Variants in TBC1D5 observed in about 807,000 individuals in gnomAD.
The protein encoded by TBC1D5 is TBC1 domain family, member 5.
In TBC1D5, 75 loss-of-function variants were observed where a neutral mutation model predicts 100.3. The ratio of observed to expected loss-of-function variants is 0.75; its 90% CI spans 0.62 to 0.91. TBC1D5 has a LOEUF of 0.91. TBC1D5 is among the 40% of genes least tolerant of loss of function. TBC1D5 has a pLI of 0.00. For missense variants in TBC1D5, 910 were observed against 942.4 expected (o/e 0.97, Z 0.45); for synonymous variants, 323 against 325.6 (o/e 0.99, Z 0.09).
At chr3:17,600,575 A>G (rs1309961500) in intron 2 of TBC1D5, among the ~76,000 whole-genome samples, 1 of 152,236 alleles carries the variant, frequency 6.6e-6, no homozygotes, top group Admixed American at 6.5e-5. Context: ...ATTCCATAAG[A>G]AAAATGTTCG....
At chr3:17,431,200 C>T (rs2094441874) in intron 3 of TBC1D5, among the ~76,000 whole-genome samples, 1 of 151,902 alleles carries the variant, frequency 6.6e-6, no homozygotes, top group Non-Finnish European at 1.5e-5. Context: ...ACTTGCTATT[C>T]TGATCCTTGA....
chr3:17,599,890 A>G (rs1461757474), intron 2 of TBC1D5, among the ~76,000 whole-genome samples: 2 of 152,188 alleles, frequency 1.3e-5, no homozygotes, highest in Non-Finnish European at 2.9e-5. Context: ...GGATGGGGAA[A>G]AGGTTGATCA....
intron 2 of TBC1D5, among the ~76,000 whole-genome samples, chr3:17,572,156 C>A (rs983532912): frequency 3.3e-5 from 5 of 152,044 alleles, no homozygotes; most frequent in Admixed American, 2.6e-4. Flanking sequence ...GCTTTCCCTG[C>A]TTATTCCTGC....
intron 19 of TBC1D5, among the ~76,000 whole-genome samples, chr3:17,177,458 G>A (rs1386641768): frequency 1.3e-5 from 2 of 152,234 alleles, no homozygotes; most frequent in Non-Finnish European, 2.9e-5. Context: ...ACATCAGGAT[G>A]CTAGGGGAGG....
chr3:17,444,866 G>C (rs1346226522), intron 3 of TBC1D5, among the ~76,000 whole-genome samples: 1 of 151,780 alleles, frequency 6.6e-6, no homozygotes, highest in Admixed American at 6.6e-5. Context: ...GGCTACAAAG[G>C]GTGTTACACA....
chr3:17,405,022 G>T (rs888050194), intron 5 of TBC1D5, 61 bp from the exon 6 acceptor site: 8 of 1,045,134 alleles, frequency 7.7e-6, no homozygotes, highest in Admixed American at 2.4e-5. Flanking sequence ...GTGAAACTAT[G>T]CCAAACTGAA....
intron 13 of TBC1D5, among the ~76,000 whole-genome samples, chr3:17,371,452 A>G (rs1213391036): frequency 2.0e-5 from 3 of 152,204 alleles, no homozygotes; most frequent in Admixed American, 6.5e-5. Flanking sequence ...CAAATTATGT[A>G]GCCAATCCTA....
chr3:17,668,052 A>G (rs1251761316), intron 1 of TBC1D5, among the ~76,000 whole-genome samples: 2 of 151,106 alleles, frequency 1.3e-5, no homozygotes, highest in Non-Finnish European at 2.9e-5. Flanking sequence ...AACATTCTAC[A>G]TATGATTTAA....
At chr3:17,238,296 G>A in exon 17 of TBC1D5, 1 of 1,614,032 alleles carries the variant, frequency 6.2e-7, no homozygotes, top group Non-Finnish European at 8.5e-7. Flanking sequence ...TACTGCTGTT[G>A]CCTCCAGGTA....
chr3:17,462,563 C>G (rs144189019), intron 3 of TBC1D5, among the ~76,000 whole-genome samples: 1 of 152,216 alleles, frequency 6.6e-6, no homozygotes, highest in African/African-American at 2.4e-5. Context: ...TCAAACAATC[C>G]TCCCGCCTCA....
At chr3:17,621,479 G>C (rs912365714) in intron 2 of TBC1D5, among the ~76,000 whole-genome samples, 4 of 152,136 alleles carry the variant, frequency 2.6e-5, no homozygotes, top group African/African-American at 9.7e-5. Flanking sequence ...AGAAATTAAG[G>C]AAGCACTGAA....
At chr3:17,714,578 G>C (rs1025753019) in intron 1 of TBC1D5, among the ~76,000 whole-genome samples, 2 of 152,184 alleles carry the variant, frequency 1.3e-5, no homozygotes, top group Non-Finnish European at 2.9e-5. Flanking sequence ...ATTCAAGGCA[G>C]TTTTGTCACG....
At chr3:17,379,977 G>A (rs552781033) in intron 9 of TBC1D5, among the ~76,000 whole-genome samples, 1 of 151,620 alleles carries the variant, frequency 6.6e-6, no homozygotes, top group African/African-American at 2.4e-5. Flanking sequence ...GAAACTGCAG[G>A]TAAGGGCGAA....
intron 3 of TBC1D5, among the ~76,000 whole-genome samples, chr3:17,449,335 T>G (rs548778673): frequency 6.6e-6 from 1 of 152,178 alleles, no homozygotes; most frequent in East Asian, 1.9e-4. Context: ...ACCAAGCTAG[T>G]AGGAGTTTTT....
At chr3:17,279,438 C>A (rs2080347609) in intron 15 of TBC1D5, among the ~76,000 whole-genome samples, 1 of 152,164 alleles carries the variant, frequency 6.6e-6, no homozygotes, top group African/African-American at 2.4e-5. Context: ...CAGAGGTGAT[C>A]GCTCATGACT....
intron 2 of TBC1D5, among the ~76,000 whole-genome samples, chr3:17,551,200 T>A (rs948881970): frequency 1.3e-5 from 2 of 152,238 alleles, no homozygotes; most frequent in African/African-American, 4.8e-5. Context: ...TGCTGATCGG[T>A]CATACAGCAA....
chr3:17,421,912 T>C (rs1041289260), intron 4 of TBC1D5, among the ~76,000 whole-genome samples: 1 of 152,092 alleles, frequency 6.6e-6, no homozygotes, highest in Admixed American at 6.6e-5. Context: ...ACAGGCAATA[T>C]AACAAAATCA....
intron 1 of TBC1D5, among the ~76,000 whole-genome samples, chr3:17,693,726 A>G (rs2071543511): frequency 1.3e-5 from 2 of 152,254 alleles, no homozygotes; most frequent in African/African-American, 4.8e-5. Flanking sequence ...TGAAGAGAGC[A>G]GTGGTTCTCC....
At chr3:17,739,371 T>C (rs184272321) in exon 1 of TBC1D5, 7 of 152,360 alleles carry the variant, frequency 4.6e-5, no homozygotes, top group Admixed American at 1.3e-4. Flanking sequence ...CTTCTTACTT[T>C]TTCAGCGTTA....
Sources: gnomAD v4.1 joint callset for allele counts (sites outside exome capture counted in the v4.1 genomes callset) on GRCh38, gnomAD v4.1.1 for gene constraint, MANE v1.5 for transcripts, NCBI Gene and HGNC (gene_info 2026-07-23, HGNC 2026-07-21) for gene names.